The following PAK5 variants were observed in gnomAD, a reference collection of about 807,000 sequenced individuals.
PAK5 encodes the protein p21 (RAC1) activated kinase 5.
Under a neutral mutation model 65.9 loss-of-function variants are expected in PAK5, and 16 were observed. That is an observed-to-expected ratio of 0.24 (90% confidence interval 0.16 to 0.37). The LOEUF (loss-of-function observed/expected upper bound fraction) is 0.37. PAK5 is among the 10% of genes least tolerant of loss of function. The pLI is 1.00. For synonymous variants in PAK5, 371 were observed against 354.9 expected (o/e 1.05, Z -0.51); for missense variants, 785 against 903.9 (o/e 0.87, Z 1.69).
chr20:9,626,606 A>G (rs1489378335), intron 3 of PAK5, among the ~76,000 whole-genome samples: 1 of 152,222 alleles, frequency 6.6e-6, no homozygotes, highest in Non-Finnish European at 1.5e-5. Flanking sequence ...GTGGTATCCA[A>G]CCTGGTTCCA....
chr20:9,791,631 A>G (rs1241185171), intron 1 of PAK5, among the ~76,000 whole-genome samples: 1 of 152,158 alleles, frequency 6.6e-6, no homozygotes, highest in African/African-American at 2.4e-5. Flanking sequence ...TAAATAATTC[A>G]GGCACTGGTG....
At chr20:9,816,626 G>C (rs543795181) in intron 1 of PAK5, among the ~76,000 whole-genome samples, 1 of 152,194 alleles carries the variant, frequency 6.6e-6, no homozygotes, top group South Asian at 2.1e-4. Flanking sequence ...CTGGTTCTCA[G>C]GTATTCTGAC....
In PAK5 at chr20:9,544,356, G is replaced by T; in HGVS notation, c.1869+13C>A. 1 of 1,613,070 alleles carries T rather than the reference G, an allele frequency of 6.2e-7. No homozygotes were observed. Among genetic ancestry groups the T allele is most frequent in the South Asian group, 1.1e-5 (1 of 91,034 alleles). On this transcript the variant is annotated intron_variant, in intron 8 of 9. Coordinates refer to ENST00000353224, the MANE Select transcript of PAK5 (RefSeq NM_177990.4). ...CCCCAGTCCTGCCACGCCTATGACTGTGACCCCCTTACCTCTGTCCCATAA... is the reference window on the plus strand; with the variant it reads ...CCCCAGTCCTGCCACGCCTATGACTTTGACCCCCTTACCTCTGTCCCATAA...
At position 9,806,593 on chromosome 20, in the gene PAK5, A is replaced by C. The variant is rs1335716951; in HGVS notation, c.-162+32169T>G. Among the ~76,000 whole-genome samples the C allele has an allele frequency of 2.0e-5, 3 of 152,244 alleles. 1 individual carries two copies. The highest frequency in any genetic ancestry group is 1.5e-5 in the Non-Finnish European group (1 of 68,024). ...CATCGAAAATGAGTTTGTCCTGCAA[A>C]GAGATAGCTCTTTGCAAAGCTACCT... On this transcript the variant is annotated intron_variant, in intron 1 of 9. Transcript: ENST00000353224.
At chr20:9,642,063 T>A (rs1406919204) in intron 3 of PAK5, among the ~76,000 whole-genome samples, 3 of 152,158 alleles carry the variant, frequency 2.0e-5, no homozygotes, top group African/African-American at 7.2e-5. Flanking sequence ...GCTGAAGGGC[T>A]CCTCAAATGC....
At chr20:9,740,670 C>T (rs566775639) in intron 1 of PAK5, among the ~76,000 whole-genome samples, 66 of 152,340 alleles carry the variant, frequency 4.3e-4, no homozygotes, top group African/African-American at 1.5e-3. Context: ...AGAGACAGAG[C>T]AGATTCGAGT....
chr20:9,711,028 T>C (rs1420450737), intron 2 of PAK5, among the ~76,000 whole-genome samples: 1 of 152,200 alleles, frequency 6.6e-6, no homozygotes, highest in Non-Finnish European at 1.5e-5. Flanking sequence ...TTAACCTGCT[T>C]ATCGTGTTCA....
At chr20:9,699,894 G>A (rs1418268593) in intron 2 of PAK5, among the ~76,000 whole-genome samples, 1 of 152,136 alleles carries the variant, frequency 6.6e-6, no homozygotes, top group Non-Finnish European at 1.5e-5. Context: ...GGCAAATGGG[G>A]ATACTTAAGA....
intron 1 of PAK5, among the ~76,000 whole-genome samples, chr20:9,821,263 C>A (rs1389248126): frequency 6.6e-6 from 1 of 152,084 alleles, no homozygotes; most frequent in South Asian, 2.1e-4. Context: ...GACCTGTAAT[C>A]CCAGCTACTC....
intron 1 of PAK5, among the ~76,000 whole-genome samples, chr20:9,767,540 C>A (rs1402243941): frequency 6.6e-6 from 1 of 152,162 alleles, no homozygotes; most frequent in Non-Finnish European, 1.5e-5. Context: ...AGACCTTTCC[C>A]ATTTCATTTA....
intron 3 of PAK5, among the ~76,000 whole-genome samples, chr20:9,592,670 G>A (rs1044841753): frequency 2.0e-5 from 3 of 152,176 alleles, no homozygotes; most frequent in African/African-American, 7.2e-5. Context: ...TGCAAAGGTG[G>A]GACATTGGAT....
At chr20:9,550,954 G>T (rs1405911709) in intron 7 of PAK5, among the ~76,000 whole-genome samples, 1 of 151,874 alleles carries the variant, frequency 6.6e-6, no homozygotes, top group African/African-American at 2.4e-5. Flanking sequence ...TTTGCTGGCA[G>T]GAAAAATGCC....
chr20:9,563,100 T>C, intron 5 of PAK5, 76 bp from the exon 6 acceptor site: 1 of 1,319,444 alleles, frequency 7.6e-7, no homozygotes, highest in East Asian at 2.3e-5. Context: ...ACAACTACAA[T>C]TGTAAGTAAA....
intron 3 of PAK5, among the ~76,000 whole-genome samples, chr20:9,616,765 C>T (rs2046665308): frequency 1.3e-5 from 2 of 152,142 alleles, no homozygotes; most frequent in South Asian, 2.1e-4. Flanking sequence ...GATAACCTTC[C>T]CTATTCTGGG....
At chr20:9,629,273 T>A (rs1314351988) in intron 3 of PAK5, among the ~76,000 whole-genome samples, 1 of 152,174 alleles carries the variant, frequency 6.6e-6, no homozygotes, top group African/African-American at 2.4e-5. Flanking sequence ...ATATTTATGG[T>A]AATTTGTTAC....
At chr20:9,664,933 T>C (rs936888837) in intron 2 of PAK5, among the ~76,000 whole-genome samples, 9 of 152,072 alleles carry the variant, frequency 5.9e-5, no homozygotes, top group African/African-American at 1.2e-4. Context: ...GTGAGTCTTT[T>C]TGTTTTTTTA....
At chr20:9,553,109 G>A (rs142821985) in intron 7 of PAK5, among the ~76,000 whole-genome samples, 117 of 152,086 alleles carry the variant, frequency 7.7e-4, no homozygotes, top group African/African-American at 2.5e-3. Flanking sequence ...CATCTTACAC[G>A]GCTACAGTAC....
chr20:9,831,905 T>C (rs1978747275), intron 1 of PAK5, among the ~76,000 whole-genome samples: 1 of 152,232 alleles, frequency 6.6e-6, no homozygotes, highest in Non-Finnish European at 1.5e-5. Flanking sequence ...TTGTTCTGTT[T>C]TTTTAAATAT....
chr20:9,561,375 T>A (rs1012353829), intron 6 of PAK5, among the ~76,000 whole-genome samples: 2 of 152,232 alleles, frequency 1.3e-5, no homozygotes, highest in Non-Finnish European at 2.9e-5. Flanking sequence ...TTTTTTGCTT[T>A]ATATGTGAAA....
Sources: gnomAD v4.1 joint callset for allele counts (sites outside exome capture counted in the v4.1 genomes callset) on GRCh38, gnomAD v4.1.1 for gene constraint, MANE v1.5 for transcripts, NCBI Gene and HGNC (gene_info 2026-07-23, HGNC 2026-07-21) for gene names.